Variants in EEF1E1 observed in about 807,000 individuals in gnomAD.
EEF1E1 encodes the protein eukaryotic translation elongation factor 1 epsilon-1.
Under a neutral mutation model 19.9 loss-of-function variants are expected in EEF1E1, and 19 were observed. The observed-to-expected ratio is 0.95, with a 90% CI of 0.66 to 1.40. EEF1E1 has a LOEUF of 1.40. Ranked by LOEUF, EEF1E1 falls within the 40% of genes most tolerant of loss-of-function variation. The pLI is 0.00. For synonymous variants in EEF1E1, 81 were observed against 80.0 expected, an observed-to-expected ratio of 1.01 and a Z score of -0.07; for missense variants, 198 against 202.2, an observed-to-expected ratio of 0.98 and a Z score of 0.13.
chr6:8,088,182 T>C (rs1202771283), intron 3 of EEF1E1, among the ~76,000 whole-genome samples: 2 of 152,014 alleles, frequency 1.3e-5, no homozygotes, highest in African/African-American at 4.8e-5. Flanking sequence ...AAGAACATAG[T>C]GAGTATCATG....
downstream of EEF1E1, among the ~76,000 whole-genome samples, chr6:8,077,006 C>A (rs1219441617): frequency 1.5e-5 from 2 of 133,064 alleles, no homozygotes; most frequent in Non-Finnish European, 3.2e-5. Flanking sequence ...GCAGTGGCAG[C>A]GATCTCGGCT....
chr6:8,077,120 T>A (rs182427188), downstream of EEF1E1, among the ~76,000 whole-genome samples: 423 of 152,160 alleles, frequency 2.8e-3, 3 homozygotes, highest in African/African-American at 9.6e-3. Context: ...ATTTTCTGTA[T>A]TTCTAGTAGA....
Position 8,090,274 on chromosome 6 carries a change from T to C in EEF1E1, c.296A>G (p.Asn99Ser). The stretch of plus-strand genomic sequence containing the variant: ...GTAGACTTTATCTTCAAGATATGAA[T>C]TAAGATCCTAGAAAAAAGAAAAAAC... Reference protein sequence around the residue: ...NDIHTLLKDLNSYLEDKVYLT... With the variant: ...NDIHTLLKDLSSYLEDKVYLT... The change falls in exon 3 of 4, where the codon AAT becomes AGT. Residue 99 changes from asparagine to serine, a missense_variant. By Grantham distance (46) the Asn-to-Ser change is conservative. Transcript: ENST00000379715. 6.7e-7 allele frequency: 1 copy of C among 1,482,200 alleles called. No individual in the cohort carries two copies. Among genetic ancestry groups the C allele is most frequent in the Non-Finnish European group, 8.9e-7 (1 of 1,123,732 alleles). The allele number at this position is 1,482,200 out of a possible 1,614,324, so 91.8% of individuals were successfully genotyped here.
chr6:8,078,631 T>C, downstream of EEF1E1: 2 of 1,214,238 alleles, frequency 1.6e-6, no homozygotes, highest in Non-Finnish European at 2.1e-6. Flanking sequence ...GAGGCATGCC[T>C]GTGCCCACAC....
At chr6:8,090,771 C>T (rs1421674184) in intron 2 of EEF1E1, among the ~76,000 whole-genome samples, 1 of 152,146 alleles carries the variant, frequency 6.6e-6, no homozygotes, top group East Asian at 1.9e-4. Context: ...CTTTAGATAC[C>T]TCATATAAGT....
intron 3 of EEF1E1, among the ~76,000 whole-genome samples, chr6:8,081,961 T>C (rs757331714): frequency 3.9e-5 from 6 of 152,190 alleles, no homozygotes; most frequent in Non-Finnish European, 8.8e-5. Flanking sequence ...TTCCAAACAA[T>C]AGAGTACTAA....
At chr6:8,098,339 G>C (rs983733538) in intron 1 of EEF1E1, among the ~76,000 whole-genome samples, 1 of 151,940 alleles carries the variant, frequency 6.6e-6, no homozygotes, top group African/African-American at 2.4e-5. Flanking sequence ...AGGCTGGTCT[G>C]GAACTCTTGA....
chr6:8,094,104 C>A (rs78893922), intron 2 of EEF1E1, among the ~76,000 whole-genome samples: 1 of 151,894 alleles, frequency 6.6e-6, no homozygotes, highest in African/African-American at 2.4e-5. Context: ...CGGCCTCAAA[C>A]GAATAATTTT....
downstream of EEF1E1, among the ~76,000 whole-genome samples, chr6:8,075,081 A>G (rs1757560073): frequency 6.6e-6 from 1 of 152,124 alleles, no homozygotes; most frequent in South Asian, 2.1e-4. Flanking sequence ...CTCCTGCTGA[A>G]TGGGGGGAGA....
At chr6:8,096,213 T>C (rs922660933) in intron 2 of EEF1E1, among the ~76,000 whole-genome samples, 6 of 152,220 alleles carry the variant, frequency 3.9e-5, no homozygotes, top group Non-Finnish European at 7.3e-5. Context: ...CGGAATCAAG[T>C]ACTTCATTAC....
downstream of EEF1E1, among the ~76,000 whole-genome samples, chr6:8,077,641 A>G (rs1282403038): frequency 2.0e-5 from 3 of 152,102 alleles, no homozygotes. Flanking sequence ...CTCAACCTTC[A>G]TAGAATCGAA....
chr6:8,084,622 T>A (rs1757800986), intron 3 of EEF1E1, among the ~76,000 whole-genome samples: 1 of 152,246 alleles, frequency 6.6e-6, no homozygotes, highest in Non-Finnish European at 1.5e-5. Context: ...TTCACTAGCC[T>A]GCTGGCTGTC....
At chr6:8,078,455 AAC>A (rs1345672145), downstream of EEF1E1, 2 of 240,006 alleles carry the variant, frequency 8.3e-6, no homozygotes, top group Non-Finnish European at 1.6e-5. Flanking sequence ...CAGATCAGTT[AAC>A]AGAGAGAGTA....
At position 8,102,531 on chromosome 6, in the gene EEF1E1, G is replaced by A. The variant is rs762772442; in HGVS notation, c.-10C>T. The A allele has an allele frequency of 6.2e-6, 10 of 1,609,018 alleles. 1 individual carries two copies. The highest frequency in any genetic ancestry group is 1.7e-4 in the Middle Eastern group (1 of 6,058). On this transcript the variant is annotated 5_prime_UTR_variant, in exon 1 of 4. It adds an upstream start codon to the 5' untranslated region. Transcript: ENST00000379715. Reference sequence around the variant, plus strand: ...CTGCGGCCGCCGCCATCTTCCGGCCGTAGCTCCTGGCAGACGCGAGACCTG... The same window carrying A: ...CTGCGGCCGCCGCCATCTTCCGGCCATAGCTCCTGGCAGACGCGAGACCTG...
chr6:8,099,793 A>ACACAC (rs1554099777), intron 1 of EEF1E1, among the ~76,000 whole-genome samples: 4,196 of 116,684 alleles, frequency 0.036, 86 homozygotes, highest in Admixed American at 0.047. Flanking sequence ...CACACACACA[A>ACACAC]AAAAAAAACA....
intron 1 of EEF1E1, among the ~76,000 whole-genome samples, chr6:8,098,956 T>C (rs1016457406): frequency 6.6e-6 from 1 of 152,194 alleles, no homozygotes; most frequent in African/African-American, 2.4e-5. Flanking sequence ...TCATTACATC[T>C]TCTAAGATAA....
chr6:8,082,378 A>G (rs1757744055), intron 3 of EEF1E1, among the ~76,000 whole-genome samples: 1 of 152,162 alleles, frequency 6.6e-6, no homozygotes. Context: ...CCTGGGTTCA[A>G]GCGATTCTCC....
downstream of EEF1E1, among the ~76,000 whole-genome samples, chr6:8,077,855 A>C (rs1346135500): frequency 1.3e-5 from 2 of 152,132 alleles, no homozygotes; most frequent in African/African-American, 2.4e-5. Context: ...GCAGTGGCAC[A>C]ATCACGGCTC....
At chr6:8,088,144 A>G (rs1032499663) in intron 3 of EEF1E1, among the ~76,000 whole-genome samples, 10 of 152,232 alleles carry the variant, frequency 6.6e-5, no homozygotes, top group Admixed American at 5.9e-4. Context: ...AAATGAGTCA[A>G]CATTTGTACA....
Sources: allele counts gnomAD v4.1 joint callset (sites outside exome capture counted in the v4.1 genomes callset), GRCh38; gene constraint gnomAD v4.1.1; transcripts MANE v1.5; gene names NCBI Gene and HGNC (gene_info 2026-07-23, HGNC 2026-07-21).